The following SOBP variants were observed in gnomAD, a reference collection of about 807,000 sequenced individuals.
The protein encoded by SOBP is sine oculis binding protein homolog.
In SOBP, 4 loss-of-function variants were observed where a neutral mutation model predicts 53.6. The ratio of observed to expected loss-of-function variants is 0.07; its 90% confidence interval spans 0.04 to 0.17. SOBP has a LOEUF of 0.17. SOBP is among the 10% of genes least tolerant of loss of function. The probability of loss-of-function intolerance (pLI) is 1.00; values close to 1 mark genes in which losing one functional copy is unlikely to be tolerated. For missense variants in SOBP, 1,088 were observed against 1,204.7 expected (o/e 0.90, Z 1.43); for synonymous variants, 584 against 522.6 (o/e 1.12, Z -1.60).
Position 107,635,347 on chromosome 6 carries a change from G to A in SOBP, c.2503G>A (p.Ala835Thr). 1 of 1,613,614 alleles carries A rather than the reference G, an allele frequency of 6.2e-7. No homozygotes were observed. Among genetic ancestry groups the A allele is most frequent in the Non-Finnish European group, 8.5e-7 (1 of 1,180,036 alleles). ...GCVIQPVPKP[A>T]EKAAMAPCII... is the part of the protein sequence containing the mutation. ...CGTGATCCAGCCTGTGCCAAAACCCGCGGAGAAGGCTGCCATGGCACCGTG... is the reference window on the plus strand; with the variant it reads ...CGTGATCCAGCCTGTGCCAAAACCCACGGAGAAGGCTGCCATGGCACCGTG... Residue 835 changes from alanine (A) to threonine (T), a missense_variant, in exon 6 of 7, where the codon GCG becomes ACG. Ala to Thr is a moderately conservative substitution (Grantham distance 58). Around this residue, in one of 6 missense-constraint regions of SOBP, gnomAD observed 665 missense variants for 629.7 expected, o/e 1.06. Coordinates refer to ENST00000317357, the MANE Select transcript of SOBP (RefSeq NM_018013.4). The surrounding 1 kb of genome is among the most constrained non-coding windows in gnomAD (Gnocchi z 4.5).
intron 6 of SOBP, among the ~76,000 whole-genome samples, chr6:107,638,263 C>T (rs1376569124): frequency 2.6e-5 from 4 of 152,210 alleles, no homozygotes; most frequent in South Asian, 2.1e-4. Context: ...CAGGCTGGAG[C>T]GCAGTGGCGC....
At chr6:107,576,594 C>T (rs978963378) in intron 4 of SOBP, among the ~76,000 whole-genome samples, 13 of 152,150 alleles carry the variant, frequency 8.5e-5, no homozygotes, top group African/African-American at 3.1e-4. Context: ...AGGGCCAGGG[C>T]AGGACCACAG....
In SOBP at chr6:107,634,747, G is replaced by A. The variant is rs1583295932; in HGVS notation, c.1903G>A (p.Gly635Ser). Residue 635 changes from glycine (G) to serine (S), a missense_variant, in exon 6 of 7, where the codon GGC (glycine) becomes AGC (serine). Physicochemically the swap from Gly to Ser is moderately conservative, Grantham distance 56. Around this residue, in one of 6 missense-constraint regions of SOBP, gnomAD observed 665 missense variants for 629.7 expected, o/e 1.06. Coordinates refer to ENST00000317357, the MANE Select transcript of SOBP (RefSeq NM_018013.4). The surrounding 1 kb of genome is among the most constrained non-coding windows in gnomAD (Gnocchi z 4.5). Reference protein sequence around the residue: ...RRAGSPPGPPGAGGQLGFPGV... With the variant: ...RRAGSPPGPPSAGGQLGFPGV... ...CGCCGGCAGCCCCCCGGGCCCCCCG[G>A]GCGCGGGCGGCCAGCTCGGCTTCCC... 7.5e-7 allele frequency: 1 copy of A among 1,334,016 alleles called. No homozygotes were observed. The highest frequency in any genetic ancestry group is 3.3e-5 in the East Asian group (1 of 30,612). The allele number at this position is 1,334,016 out of a possible 1,614,324, so 82.6% of individuals were successfully genotyped here.
chr6:107,647,944 G>T (rs1157311755), intron 6 of SOBP, among the ~76,000 whole-genome samples: 8 of 152,124 alleles, frequency 5.3e-5, no homozygotes, highest in Admixed American at 2.0e-4. Context: ...CATCATTTTT[G>T]CTGTTGGGGG....
At chr6:107,596,787 G>A (rs1337537645) in intron 5 of SOBP, among the ~76,000 whole-genome samples, 1 of 152,034 alleles carries the variant, frequency 6.6e-6, no homozygotes, top group Non-Finnish European at 1.5e-5. Context: ...GATTTCATTA[G>A]GATAAAGTAT....
chr6:107,585,635 G>A (rs1037873336), intron 4 of SOBP, among the ~76,000 whole-genome samples: 8 of 152,172 alleles, frequency 5.3e-5, no homozygotes, highest in African/African-American at 1.7e-4. Flanking sequence ...AAGCATGAGG[G>A]ATGTTATAAA....
chr6:107,613,049 C>T (rs1273469891), intron 5 of SOBP, among the ~76,000 whole-genome samples: 1 of 152,170 alleles, frequency 6.6e-6, no homozygotes, highest in Non-Finnish European at 1.5e-5. Flanking sequence ...CTGAAATGAA[C>T]ACTGGCATAC....
At position 107,545,599 on chromosome 6, in the gene SOBP, C is replaced by T. The variant is rs183340947; in HGVS notation, c.573+11989C>T. Among the ~76,000 whole-genome samples, 6 of 152,264 alleles carry T rather than the reference C, an allele frequency of 3.9e-5. No individual in the cohort carries two copies. In the East Asian group the frequency reaches 9.6e-4, roughly 24 times the overall value. The stretch of plus-strand genomic sequence containing the variant: ...GGTAAGTAATTCAGATTTTATCTTC[C>T]TGGGTCTTACCTGGGTGATGTGGAC... On this transcript the variant is annotated intron_variant, in intron 4 of 6. Coordinates refer to ENST00000317357, the MANE Select transcript of SOBP (RefSeq NM_018013.4).
chr6:107,538,482 G>A (rs1306344773), intron 4 of SOBP, among the ~76,000 whole-genome samples: 3 of 152,152 alleles, frequency 2.0e-5, no homozygotes, highest in African/African-American at 7.2e-5. Flanking sequence ...AATATCTTTG[G>A]CCCACCAGTA....
Position 107,617,983 on chromosome 6 carries a change from A to G in SOBP, c.670-15531A>G, listed in dbSNP as rs573587144. 1.8e-4 allele frequency among the ~76,000 whole-genome samples: 28 copies of G among 151,946 alleles called. No homozygotes were observed. In the South Asian group the frequency reaches 5.8e-3, roughly 32 times the overall value. ...GCTGGGACTACAGGCACCCGCCACC[A>G]AGCCAAGCTAATTTTTTGTATTTAT... On this transcript the variant is annotated intron_variant, in intron 5 of 6. Transcript: ENST00000317357.
intron 4 of SOBP, among the ~76,000 whole-genome samples, chr6:107,569,788 A>G (rs1384563930): frequency 6.6e-6 from 1 of 152,260 alleles, no homozygotes; most frequent in Non-Finnish European, 1.5e-5. Flanking sequence ...TGCCAGGAGC[A>G]CATGAATAAG....
At position 107,660,228 on chromosome 6, in the gene SOBP, T is replaced by A. The variant is rs1238156348; in HGVS notation, c.*2025T>A. 6.6e-6 allele frequency: 1 copy of A among 152,552 alleles called. No homozygotes were observed. Among genetic ancestry groups the A allele is most frequent in the Non-Finnish European group, 1.5e-5 (1 of 68,034 alleles). The allele number at this position is 152,552 out of a possible 1,614,324, so 9.4% of individuals were successfully genotyped here. On this transcript the variant is annotated 3_prime_UTR_variant, in exon 7 of 7. Coordinates refer to ENST00000317357, the MANE Select transcript of SOBP (RefSeq NM_018013.4). ...TTTTGTTTTATTACAGAGGTGTTCA[T>A]TTTTCTCCCCCTGGGAAACATTTTA...
At chr6:107,636,278 T>C (rs1397231578) in intron 6 of SOBP, 1 of 154,262 alleles carries the variant, frequency 6.5e-6, no homozygotes, top group African/African-American at 2.4e-5. Context: ...TGAGTGACAC[T>C]GCACATCTCT....
intron 3 of SOBP, among the ~76,000 whole-genome samples, chr6:107,526,124 T>C (rs1048143493): frequency 2.4e-4 from 36 of 152,078 alleles, no homozygotes; most frequent in Admixed American, 2.2e-3. Flanking sequence ...ATTTTTTTTT[T>C]GTATTTTTAG....
intron 6 of SOBP, among the ~76,000 whole-genome samples, chr6:107,651,071 G>A (rs1435021957): frequency 9.9e-5 from 15 of 152,202 alleles, no homozygotes; most frequent in African/African-American, 3.6e-4. Flanking sequence ...TTCAAGATTA[G>A]CCTGGGAAAC....
At chr6:107,505,645 T>G (rs940720716) in intron 2 of SOBP, among the ~76,000 whole-genome samples, 2 of 151,582 alleles carry the variant, frequency 1.3e-5, no homozygotes, top group Non-Finnish European at 1.5e-5. Flanking sequence ...TGTTTTGTTT[T>G]GTTTTGTGTT....
intron 5 of SOBP, among the ~76,000 whole-genome samples, chr6:107,622,929 T>G (rs368422850): frequency 6.6e-6 from 1 of 152,242 alleles, no homozygotes; most frequent in Non-Finnish European, 1.5e-5. Context: ...AACAGAGCAG[T>G]TAATAATTCC....
chr6:107,644,040 T>C (rs1056411012), intron 6 of SOBP, among the ~76,000 whole-genome samples: 57 of 152,296 alleles, frequency 3.7e-4, no homozygotes, highest in African/African-American at 1.3e-3. Flanking sequence ...GGTGGCTCAC[T>C]CCTGTAATCC....
intron 5 of SOBP, among the ~76,000 whole-genome samples, chr6:107,610,708 A>G (rs1218840646): frequency 1.3e-5 from 2 of 152,132 alleles, no homozygotes; most frequent in South Asian, 2.1e-4. Context: ...ACCTAAAGCA[A>G]TAGTACCATT....
Sources: gnomAD v4.1 joint callset for allele counts (sites outside exome capture counted in the v4.1 genomes callset) on GRCh38, gnomAD v4.1.1 for gene constraint, gnomAD v4.1.1 regional missense constraint, Gnocchi (gnomAD v3.1) non-coding constraint, MANE v1.5 for transcripts, NCBI Gene and HGNC (gene_info 2026-07-23, HGNC 2026-07-21) for gene names.